The following DNAJC18 variants were observed in gnomAD, a reference collection of about 807,000 sequenced individuals.
DNAJC18 encodes the protein dnaJ homolog subfamily C member 18.
In DNAJC18, 40 loss-of-function variants were observed where a neutral mutation model predicts 48.6. That is an observed-to-expected ratio of 0.82 (90% CI 0.64 to 1.07). The LOEUF (loss-of-function observed/expected upper bound fraction) is 1.07, where lower values mean the gene tolerates loss of function less well. Among genes scored for constraint, DNAJC18 ranks in the 50% least tolerant of loss-of-function variants. DNAJC18 has a pLI of 0.00. For synonymous variants in DNAJC18, 135 were observed against 152.2 expected, an observed-to-expected ratio of 0.89 and a Z score of 0.83; for missense variants, 340 against 427.7, an observed-to-expected ratio of 0.79 and a Z score of 1.81.
chr5:139,414,358 C>T, intron 7 of DNAJC18, 86 bp from the exon 8 acceptor site: 1 of 1,505,364 alleles, frequency 6.6e-7, no homozygotes, highest in African/African-American at 1.4e-5. Context: ...GCTCCTTTTA[C>T]TTCATTTCAA....
At chr5:139,430,923 A>G (rs781648796) in intron 2 of DNAJC18, among the ~76,000 whole-genome samples, 1 of 152,168 alleles carries the variant, frequency 6.6e-6, no homozygotes, top group Admixed American at 6.5e-5. Flanking sequence ...AATGTATAAT[A>G]TATACATTAC....
chr5:139,427,678 T>C (rs182438613), intron 3 of DNAJC18, among the ~76,000 whole-genome samples: 106 of 152,350 alleles, frequency 7.0e-4, no homozygotes, highest in African/African-American at 2.3e-3. Flanking sequence ...ACAACACCAT[T>C]ATCACAGCTA....
chr5:139,434,905 G>C (rs2152085153), intron 2 of DNAJC18, among the ~76,000 whole-genome samples: 1 of 152,240 alleles, frequency 6.6e-6, no homozygotes, highest in South Asian at 2.1e-4. Context: ...ATGTTGAACA[G>C]AGTGGCAAGA....
In DNAJC18 at chr5:139,439,380, C is replaced by A. The variant is rs376902475; in HGVS notation, c.40+26G>T. ...TGATCTCTCCCGAAGGCCGCCCTAT[C>A]CCTCCTTCAGGCGGGGACCTAGTAC... On this transcript the variant is annotated intron_variant, in intron 1 of 7. Coordinates refer to ENST00000302060, the MANE Select transcript of DNAJC18 (RefSeq NM_152686.4). This position sits in a 1 kb window ranked among gnomAD's most constrained non-coding sequence, Gnocchi z 4.1. 25 of 1,614,126 alleles carry A rather than the reference C, an allele frequency of 1.5e-5. No homozygotes were observed. In the East Asian group the frequency reaches 5.3e-4, roughly 35 times the overall value.
At chr5:139,437,045 T>C (rs1014325124) in intron 2 of DNAJC18, among the ~76,000 whole-genome samples, 2 of 152,230 alleles carry the variant, frequency 1.3e-5, no homozygotes, top group African/African-American at 2.4e-5. Flanking sequence ...GCTTGTTTTA[T>C]GACCTAAGAT....
intron 5 of DNAJC18, 86 bp from the exon 6 acceptor site, chr5:139,422,903 T>G (rs1759177844): frequency 1.2e-6 from 1 of 814,146 alleles, no homozygotes; most frequent in Non-Finnish European, 1.8e-6. Flanking sequence ...TGGTGCGATC[T>G]CGGCTCACTG....
intron 6 of DNAJC18, among the ~76,000 whole-genome samples, chr5:139,421,453 T>A (rs1028892923): frequency 1.3e-5 from 2 of 150,592 alleles, no homozygotes; most frequent in African/African-American, 4.9e-5. Flanking sequence ...CAAGACTGCT[T>A]CGAAAACAAA....
At chr5:139,417,522 C>T (rs1759087885) in intron 7 of DNAJC18, among the ~76,000 whole-genome samples, 1 of 150,122 alleles carries the variant, frequency 6.7e-6, no homozygotes, top group Admixed American at 6.6e-5. Context: ...GTGCTGATAA[C>T]TGCCATTTGG....
At chr5:139,431,914 C>T (rs1329346033) in intron 2 of DNAJC18, among the ~76,000 whole-genome samples, 2 of 152,192 alleles carry the variant, frequency 1.3e-5, no homozygotes, top group African/African-American at 4.8e-5. Flanking sequence ...TTTTGATTTG[C>T]ATTTCCCTAA....
intron 2 of DNAJC18, among the ~76,000 whole-genome samples, chr5:139,431,242 A>C (rs1193112825): frequency 6.6e-6 from 1 of 152,224 alleles, no homozygotes; most frequent in African/African-American, 2.4e-5. Context: ...TCACCCTTTT[A>C]AAATGTACAA....
At chr5:139,415,618 G>A (rs1006171454) in intron 7 of DNAJC18, among the ~76,000 whole-genome samples, 2 of 152,228 alleles carry the variant, frequency 1.3e-5, no homozygotes, top group African/African-American at 4.8e-5. Context: ...CCTTGCAGGT[G>A]ATGGGGCGTC....
Position 139,412,478 on chromosome 5 carries a change from C to T in DNAJC18, c.*1670G>A. The T allele has an allele frequency of 2.8e-6, 1 of 358,078 alleles. No homozygotes were observed. The highest frequency in any genetic ancestry group is 5.0e-6 in the Non-Finnish European group (1 of 201,410). The allele number at this position is 358,078 out of a possible 1,614,324, so 22.2% of individuals were successfully genotyped here. On this transcript the variant is annotated 3_prime_UTR_variant, in exon 8 of 8. Coordinates refer to ENST00000302060, the MANE Select transcript of DNAJC18 (RefSeq NM_152686.4). Reference sequence around the variant, plus strand: ...GTTTCACTGTGTTGGCCAGGCTGGTCTTGAACTCCTGACCTCAGGTGATCC... The same window carrying T: ...GTTTCACTGTGTTGGCCAGGCTGGTTTTGAACTCCTGACCTCAGGTGATCC...
chr5:139,414,039 CA>C lies in DNAJC18; in HGVS notation c.*108del. The C allele has an allele frequency of 6.8e-7, 1 of 1,466,976 alleles. No individual in the cohort carries two copies. The highest frequency in any genetic ancestry group is 2.5e-5 in the East Asian group (1 of 40,202). 90.9% of individuals were successfully genotyped at this position (1,466,976 alleles called of 1,614,324 possible). On this transcript the variant is annotated 3_prime_UTR_variant, in exon 8 of 8. Transcript: ENST00000302060. ...CACTCTGCCCAACCAACGAAGTTAGCAAATAGTAAAGTGTTCATCATTACCT... is the reference window on the plus strand; with the variant it reads ...CACTCTGCCCAACCAACGAAGTTAGCAATAGTAAAGTGTTCATCATTACCT...
Position 139,422,725 on chromosome 5 carries a change from A to G in DNAJC18, c.762T>C (p.Tyr254=), listed in dbSNP as rs757795792. 2 of 1,607,388 alleles carry G rather than the reference A, an allele frequency of 1.2e-6. No individual in the cohort carries two copies. The highest frequency in any genetic ancestry group is 1.7e-6 in the Non-Finnish European group (2 of 1,176,268). The change falls in exon 6 of 8, where the codon TAT becomes TAC. Residue 254 remains tyrosine, a synonymous_variant. Coordinates refer to ENST00000302060, the MANE Select transcript of DNAJC18 (RefSeq NM_152686.4). ...AGACTTACGATTTATAGAACAGACT[A>G]TATGGGGGATTAGTAGCCAGCAGCT... The part of the protein sequence containing the change: ...ITQLLATNPP[Y]SLFYKSTLGY...
At chr5:139,420,641 T>G (rs1345878311) in intron 6 of DNAJC18, among the ~76,000 whole-genome samples, 1 of 150,904 alleles carries the variant, frequency 6.6e-6, no homozygotes, top group Non-Finnish European at 1.5e-5. Context: ...AAAAAACAGA[T>G]AGCTCACACC....
In DNAJC18 at chr5:139,435,025, G is replaced by A. The variant is rs1035461876; in HGVS notation, c.227+2347C>T. ...TTCTGTAGATGGACTTTATCAGGTC[G>A]AGGAAGTTCCCTTCTATTCCTAGTT... On this transcript the variant is annotated intron_variant, in intron 2 of 7. Coordinates refer to ENST00000302060, the MANE Select transcript of DNAJC18 (RefSeq NM_152686.4). Among the ~76,000 whole-genome samples the A allele has an allele frequency of 4.6e-5, 7 of 152,188 alleles. No individual in the cohort carries two copies. In the East Asian group the frequency reaches 1.2e-3, roughly 25 times the overall value.
chr5:139,436,980 T>C (rs1750678775), intron 2 of DNAJC18, among the ~76,000 whole-genome samples: 1 of 152,230 alleles, frequency 6.6e-6, no homozygotes, highest in African/African-American at 2.4e-5. Flanking sequence ...TTCCCTTTGT[T>C]TTTGATTTCA....
rs1004166116 is a variant in DNAJC18, at chr5:139,419,936, T to G, written c.952+117A>C. Reference sequence around the variant, plus strand: ...TCCTGAATGGCCTTTGTCCTCTGACTCTGTTCACATAAACATGCGTAGCCT... The same window carrying G: ...TCCTGAATGGCCTTTGTCCTCTGACGCTGTTCACATAAACATGCGTAGCCT... On this transcript the variant is annotated intron_variant, in intron 7 of 7. Coordinates refer to ENST00000302060, the MANE Select transcript of DNAJC18 (RefSeq NM_152686.4). The G allele has an allele frequency of 2.8e-6, 3 of 1,056,978 alleles. No individual in the cohort carries two copies. The Admixed American group carries it at 8.7e-5, about 31-fold the overall frequency. The allele number at this position is 1,056,978 out of a possible 1,614,324, so 65.5% of individuals were successfully genotyped here. A position where few individuals can be genotyped will look rare whatever the true frequency, so the allele number is the denominator to read the frequency against.
At chr5:139,421,382 G>T (rs1386791941) in intron 6 of DNAJC18, among the ~76,000 whole-genome samples, 2 of 152,112 alleles carry the variant, frequency 1.3e-5, no homozygotes, top group African/African-American at 4.8e-5. Context: ...CTGGGAGAAG[G>T]GGATTACAGT....
Sources: gnomAD v4.1 joint callset for allele counts (sites outside exome capture counted in the v4.1 genomes callset) on GRCh38, gnomAD v4.1.1 for gene constraint, Gnocchi (gnomAD v3.1) non-coding constraint, MANE v1.5 for transcripts, NCBI Gene and HGNC (gene_info 2026-07-23, HGNC 2026-07-21) for gene names.